MEGF6: variants seen among roughly 807,000 people sequenced by gnomAD.
The protein encoded by MEGF6 is multiple EGF like domains 6.
In MEGF6, 184 loss-of-function variants were observed where a neutral mutation model predicts 207.1. The ratio of observed to expected loss-of-function variants is 0.89; its 90% CI spans 0.79 to 1.00. The LOEUF (loss-of-function observed/expected upper bound fraction) is 1.00, where lower values mean the gene tolerates loss of function less well. MEGF6 is among the 50% of genes least tolerant of loss of function. The probability of loss-of-function intolerance (pLI) is 0.00; values close to 1 mark genes in which losing one functional copy is unlikely to be tolerated. For missense variants in MEGF6, 2,282 were observed against 2,202.9 expected, an observed-to-expected ratio of 1.04 and a Z score of -0.72; for synonymous variants, 1,038 against 910.0, an observed-to-expected ratio of 1.14 and a Z score of -2.53.
chr1:3,522,334 G>A (rs11809221), intron 5 of MEGF6, among the ~76,000 whole-genome samples: 4,262 of 152,230 alleles, frequency 0.028, 196 homozygotes, highest in African/African-American at 0.097. Context: ...TGGAGGCACC[G>A]GGAGCCCACC....
rs374558368 is a variant in MEGF6 at position 3,494,134 on chromosome 1, G to T, written c.4130-10C>A. ...AAGCCAGGGGGACAGGCTGAAGGAC[G>T]CCGGTTACCACGAGACAAGGGCACA... On this transcript the variant is annotated splice_polypyrimidine_tract_variant and intron_variant, in intron 32 of 36. Transcript: ENST00000356575. 1.2e-5 allele frequency: 18 copies of T among 1,547,704 alleles called. No homozygotes were observed. The African/African-American group carries it at 1.5e-4, about 13-fold the overall frequency.
intron 4 of MEGF6, among the ~76,000 whole-genome samples, chr1:3,540,633 T>C (rs1557761960): frequency 6.6e-6 from 1 of 152,196 alleles, no homozygotes; most frequent in Non-Finnish European, 1.5e-5. Flanking sequence ...ATGTATGTCT[T>C]ACAGCTCCAG....
Position 3,506,224 on chromosome 1 carries a change from C to T in MEGF6, c.1802G>A (p.Gly601Asp). 6.2e-7 allele frequency: 1 copy of T among 1,609,156 alleles called. No homozygotes were observed. Residue 601 changes from glycine (G) to aspartate (D), a missense_variant, in exon 15 of 37, where the codon GGC becomes GAC. Gly to Asp is a moderately conservative substitution (Grantham distance 94). Coordinates refer to ENST00000356575, the MANE Select transcript of MEGF6 (RefSeq NM_001409.4). ...CTTGCGACAGTGCTTGCCATAGTAGCCCTTGGGGCAGCCTGGGGGCAGCGG... is the reference window on the plus strand; with the variant it reads ...CTTGCGACAGTGCTTGCCATAGTAGTCCTTGGGGCAGCCTGGGGGCAGCGG... ...GTNCEDGCPK[G>D]YYGKHCRKKC...
In MEGF6 at chr1:3,497,234, C is replaced by T. The variant is rs1333651747; in HGVS notation, c.3480G>A (p.Gln1160=). The T allele has an allele frequency of 6.7e-7, 1 of 1,503,604 alleles. No individual in the cohort carries two copies. Among genetic ancestry groups the T allele is most frequent in the Non-Finnish European group, 8.9e-7 (1 of 1,128,984 alleles). The allele number at this position is 1,503,604 out of a possible 1,614,324, so 93.1% of individuals were successfully genotyped here. The change falls in exon 27 of 37, where the codon CAG becomes CAA. Residue 1160 remains glutamine, a splice_region_variant and synonymous_variant. Coordinates refer to ENST00000356575, the MANE Select transcript of MEGF6 (RefSeq NM_001409.4). ...GGGTGGGGGCTTGGGAGCACCTACCCTGCTCGCAGCCGGAGCCAGTGAAGC... is the reference window on the plus strand; with the variant it reads ...GGGTGGGGGCTTGGGAGCACCTACCTTGCTCGCAGCCGGAGCCAGTGAAGC... ...PPGFTGSGCE[Q]ACPPGSFGED... is the part of the protein sequence containing the mutation.
At chr1:3,519,338 G>C (rs1641656224) in intron 5 of MEGF6, among the ~76,000 whole-genome samples, 1 of 152,270 alleles carries the variant, frequency 6.6e-6, no homozygotes, top group African/African-American at 2.4e-5. Context: ...GCTTTAGGGA[G>C]TGGCAGGCAG....
chr1:3,513,359 G>A (rs553014397), intron 7 of MEGF6, among the ~76,000 whole-genome samples: 38 of 148,708 alleles, frequency 2.6e-4, no homozygotes, highest in African/African-American at 6.9e-4. Flanking sequence ...CTCCTGCCTC[G>A]GCATCCCGAG....
intron 4 of MEGF6, among the ~76,000 whole-genome samples, chr1:3,571,625 G>C (rs1008915700): frequency 2.0e-5 from 3 of 151,906 alleles, no homozygotes; most frequent in African/African-American, 7.3e-5. Flanking sequence ...TGGTATGCTG[G>C]CCCTGCTGGG....
intron 16 of MEGF6, 34 bp downstream of exon 16, chr1:3,505,388 G>GGGGGCCC: frequency 6.4e-7 from 1 of 1,573,964 alleles, no homozygotes; most frequent in African/African-American, 1.5e-5. Context: ...CGACCCTGGC[G>GGGGGCCC]CCCCCCGCCC....
rs745700507 is a variant in MEGF6, at chr1:3,602,482, C to T, written c.250G>A (p.Val84Met). Residue 84 changes from valine to methionine, a missense_variant, in exon 2 of 37, where the codon GTG becomes ATG. Transcript: ENST00000356575. ...TGCACTTACCTCCGCTCATGACCCACGCACCACGCCTGCCACCCACAGCCG... is the reference window on the plus strand; with the variant it reads ...TGCACTTACCTCCGCTCATGACCCATGCACCACGCCTGCCACCCACAGCCG... ...KAGCGWQAWC[V>M]GHERRTVYYM... 33 of 1,613,280 alleles carry T rather than the reference C, an allele frequency of 2.0e-5. No homozygotes were observed. The highest frequency in any genetic ancestry group is 3.3e-5 in the South Asian group (3 of 91,090).
intron 3 of MEGF6, among the ~76,000 whole-genome samples, chr1:3,586,997 A>G (rs920387584): frequency 6.6e-6 from 1 of 152,212 alleles, no homozygotes; most frequent in African/African-American, 2.4e-5. Flanking sequence ...ACCTGTGTGC[A>G]AGGAGGAAGG....
rs761217190 is a variant in MEGF6, at chr1:3,495,906, G to T, written c.3855C>A (p.Gly1285=). ...AACACTCACCTCGCTCACAGCGGAC[G>T]CCGGCTCTCCCCGGGGGGCAGAGGC... ...GTCLCPPGRA[G]VRCERGCPQN... The change falls in exon 30 of 37, where the codon GGC becomes GGA. Residue 1285 remains glycine, a synonymous_variant. Transcript: ENST00000356575. 5.6e-6 allele frequency: 9 copies of T among 1,598,024 alleles called. No homozygotes were observed. The highest frequency in any genetic ancestry group is 6.8e-6 in the Non-Finnish European group (8 of 1,179,086).
At chr1:3,590,535 C>T (rs1037000811) in intron 3 of MEGF6, among the ~76,000 whole-genome samples, 8 of 152,242 alleles carry the variant, frequency 5.3e-5, no homozygotes, top group Admixed American at 3.9e-4. Flanking sequence ...TCAGGGAAAT[C>T]ATAACACGAT....
chr1:3,593,155 G>A (rs1213959921), intron 3 of MEGF6, among the ~76,000 whole-genome samples: 2 of 152,186 alleles, frequency 1.3e-5, no homozygotes, highest in Non-Finnish European at 2.9e-5. Flanking sequence ...CCTCGAGCCA[G>A]GCTGGTGATG....
intron 4 of MEGF6, among the ~76,000 whole-genome samples, chr1:3,552,796 G>C: frequency 6.6e-6 from 1 of 152,262 alleles, no homozygotes; most frequent in South Asian, 2.1e-4. Flanking sequence ...CTCACCCACC[G>C]GGCCCAGACC....
intron 7 of MEGF6, among the ~76,000 whole-genome samples, chr1:3,513,067 C>G (rs1641410755): frequency 6.6e-6 from 1 of 152,186 alleles, no homozygotes; most frequent in Non-Finnish European, 1.5e-5. Flanking sequence ...TGCCTGCAAC[C>G]TGACTCTAAG....
intron 4 of MEGF6, among the ~76,000 whole-genome samples, chr1:3,550,393 C>T (rs1024241640): frequency 2.0e-5 from 3 of 152,116 alleles, no homozygotes; most frequent in Non-Finnish European, 4.4e-5. Flanking sequence ...TAGGATAGGG[C>T]GTACCAGCTG....
intron 2 of MEGF6, among the ~76,000 whole-genome samples, chr1:3,597,221 C>T (rs1360439534): frequency 1.3e-5 from 2 of 152,208 alleles, no homozygotes; most frequent in East Asian, 1.9e-4. Context: ...CTGGAAGGTT[C>T]GCTGCCTCTC....
Position 3,499,891 on chromosome 1 carries a change from T to A in MEGF6, c.2741A>T (p.Glu914Val). ...CPQGHFGPGC[E>V]QRCQCQHGAA... is the part of the protein sequence containing the mutation. The stretch of plus-strand genomic sequence containing the variant: ...TCCATGCTGACACTGGCACCGCTGC[T>A]CACAGCCGGGCCCAAAGTGGCCCTG... Residue 914 changes from glutamate (E) to valine (V), a missense_variant, in exon 22 of 37, where the codon GAG becomes GTG. Physicochemically the swap from Glu to Val is moderately radical, Grantham distance 121 (BLOSUM62 -2). Coordinates refer to ENST00000356575, the MANE Select transcript of MEGF6 (RefSeq NM_001409.4). 1 of 1,561,552 alleles carries A rather than the reference T, an allele frequency of 6.4e-7. No homozygotes were observed. Among genetic ancestry groups the A allele is most frequent in the Non-Finnish European group, 8.7e-7 (1 of 1,153,750 alleles).
rs567237600 is a variant in MEGF6, at chr1:3,494,040, C to T, written c.4214G>A (p.Arg1405Gln). 2.9e-5 allele frequency: 47 copies of T among 1,609,386 alleles called. No homozygotes were observed. The highest frequency in any genetic ancestry group is 6.7e-5 in the Admixed American group (4 of 59,514). Residue 1405 changes from arginine (R) to glutamine (Q), a missense_variant, in exon 33 of 37, where the codon CGA (arginine) becomes CAA (glutamine). Transcript: ENST00000356575. ...GTGGAAGCCGGCAGGGCAGAGGCAT[C>T]GGCCACTGATGGGGTCGCAGGGGGC... ...HGAPCDPISG[R>Q]CLCPAGFHGH...
Sources: allele counts gnomAD v4.1 joint callset (sites outside exome capture counted in the v4.1 genomes callset), GRCh38; gene constraint gnomAD v4.1.1; transcripts MANE v1.5; gene names NCBI Gene and HGNC (gene_info 2026-07-23, HGNC 2026-07-21).